Variants in CTNNA3 observed in about 807,000 individuals in gnomAD.
The protein encoded by CTNNA3 is catenin alpha-3.
CTNNA3 carries 76 observed loss-of-function variants against 95.7 expected under a neutral mutation model. The observed-to-expected ratio is 0.79, with a 90% CI of 0.66 to 0.96. CTNNA3 has a LOEUF of 0.96. Among genes scored for constraint, CTNNA3 ranks in the 40% least tolerant of loss-of-function variants. The pLI, the probability that CTNNA3 is intolerant of heterozygous loss-of-function variation, is 0.00. For missense variants in CTNNA3, 1,191 were observed against 1,089.8 expected (o/e 1.09, Z -1.31); for synonymous variants, 431 against 374.4 (o/e 1.15, Z -1.74).
At chr10:67,532,092 G>T (rs2133185360) in intron 4 of CTNNA3, among the ~76,000 whole-genome samples, 1 of 152,182 alleles carries the variant, frequency 6.6e-6, no homozygotes, top group East Asian at 1.9e-4. Context: ...TTTGTAAATT[G>T]CCCAGTATAA....
intron 13 of CTNNA3, among the ~76,000 whole-genome samples, chr10:66,107,991 C>T (rs1056092372): frequency 5.3e-5 from 8 of 151,762 alleles, no homozygotes; most frequent in Admixed American, 3.9e-4. Flanking sequence ...AAATAACCAC[C>T]ACAGTAATGT....
intron 6 of CTNNA3, among the ~76,000 whole-genome samples, chr10:67,183,190 T>C (rs1054770134): frequency 6.6e-6 from 1 of 152,210 alleles, no homozygotes; most frequent in African/African-American, 2.4e-5. Flanking sequence ...CATTACTGGG[T>C]ATATACCCAA....
intron 15 of CTNNA3, among the ~76,000 whole-genome samples, chr10:66,017,506 A>G (rs1815885150): frequency 6.6e-6 from 1 of 152,114 alleles, no homozygotes; most frequent in Non-Finnish European, 1.5e-5. Context: ...ATATTATTGA[A>G]TGAATTTTAT....
Position 66,935,911 on chromosome 10 carries a change from A to C in CTNNA3, c.1048-160387T>G, listed in dbSNP as rs758316980. ...TAAAATAATTTATACCCCACCCACA[A>C]AAGGCTTCTCAAAGCCAAATCATGC... On this transcript the variant is annotated intron_variant, in intron 7 of 17. Coordinates refer to ENST00000433211, the MANE Select transcript of CTNNA3 (RefSeq NM_013266.4). Among the ~76,000 whole-genome samples the C allele has an allele frequency of 2.0e-4, 30 of 152,154 alleles. 1 individual carries two copies. The highest frequency in any genetic ancestry group is 4.0e-4 in the Non-Finnish European group (27 of 67,982).
chr10:66,169,609 A>G (rs1589621943), intron 13 of CTNNA3, among the ~76,000 whole-genome samples: 1 of 152,264 alleles, frequency 6.6e-6, no homozygotes, highest in East Asian at 1.9e-4. Flanking sequence ...ACTGTTTTCC[A>G]TAGTGGTTGT....
intron 7 of CTNNA3, among the ~76,000 whole-genome samples, chr10:67,045,417 T>TTTG (rs1218942642): frequency 4.6e-5 from 7 of 152,258 alleles, no homozygotes; most frequent in Non-Finnish European, 7.4e-5. Flanking sequence ...TGTTGGTTTT[T>TTTG]TTGTTGTTGT....
chr10:67,100,702 A>G (rs982049884), intron 7 of CTNNA3, among the ~76,000 whole-genome samples: 1 of 151,710 alleles, frequency 6.6e-6, no homozygotes, highest in African/African-American at 2.4e-5. Flanking sequence ...GCTGCAGCAA[A>G]CCATAAAGTT....
intron 1 of CTNNA3, among the ~76,000 whole-genome samples, chr10:67,693,287 A>G (rs530815721): frequency 3.3e-5 from 5 of 152,322 alleles, no homozygotes; most frequent in Non-Finnish European, 7.4e-5. Context: ...CAACTTTGCT[A>G]AACTCCGGAG....
chr10:67,176,320 T>C (rs1339208447), intron 7 of CTNNA3, among the ~76,000 whole-genome samples: 2 of 152,222 alleles, frequency 1.3e-5, no homozygotes, highest in East Asian at 3.8e-4. Flanking sequence ...AGAGGCTGTT[T>C]CTCCATTACA....
At chr10:67,115,929 T>A (rs1859161201) in intron 7 of CTNNA3, among the ~76,000 whole-genome samples, 2 of 152,060 alleles carry the variant, frequency 1.3e-5, no homozygotes, top group Admixed American at 1.3e-4. Context: ...TGCTCATTTA[T>A]ATTATTTCTT....
intron 14 of CTNNA3, among the ~76,000 whole-genome samples, chr10:66,072,988 A>G (rs1396793470): frequency 3.3e-5 from 5 of 152,172 alleles, no homozygotes; most frequent in African/African-American, 1.2e-4. Context: ...ACAACAGGGA[A>G]TCTGGAGGAA....
chr10:66,429,029 A>G (rs1219058376), intron 11 of CTNNA3, among the ~76,000 whole-genome samples: 3 of 152,110 alleles, frequency 2.0e-5, no homozygotes, highest in Admixed American at 6.6e-5. Context: ...AGAAGAAAAG[A>G]GAGAAGAATC....
intron 7 of CTNNA3, among the ~76,000 whole-genome samples, chr10:67,093,393 C>T (rs2131917959): frequency 6.6e-6 from 1 of 151,552 alleles, no homozygotes. Flanking sequence ...TGTTGAACAC[C>T]CTAATCTCAG....
chr10:67,591,730 G>GA (rs1842793607), intron 3 of CTNNA3, among the ~76,000 whole-genome samples: 1 of 151,968 alleles, frequency 6.6e-6, no homozygotes, highest in Non-Finnish European at 1.5e-5. Flanking sequence ...ATCATAATTT[G>GA]AAAAGACATG....
intron 5 of CTNNA3, among the ~76,000 whole-genome samples, chr10:67,306,599 G>A (rs1840561388): frequency 6.6e-6 from 1 of 152,072 alleles, no homozygotes; most frequent in Non-Finnish European, 1.5e-5. Flanking sequence ...TTCAAAAATG[G>A]CAATGAGTGG....
At chr10:66,621,844 CTT>C (rs1844762861) in intron 9 of CTNNA3, 60 bp from the exon 10 acceptor site, 1 of 996,628 alleles carries the variant, frequency 1.0e-6, no homozygotes, top group Non-Finnish European at 1.5e-6. Context: ...TGCAGCAACA[CTT>C]ATACTGAACA....
chr10:67,597,455 T>C (rs1046875157), intron 3 of CTNNA3, among the ~76,000 whole-genome samples: 1 of 152,228 alleles, frequency 6.6e-6, no homozygotes, highest in Non-Finnish European at 1.5e-5. Flanking sequence ...TATTCTTTGA[T>C]GCCCTTGGTG....
intron 1 of CTNNA3, among the ~76,000 whole-genome samples, chr10:67,734,558 GA>G (rs1841292214): frequency 1.3e-5 from 2 of 152,074 alleles, no homozygotes; most frequent in Non-Finnish European, 2.9e-5. Flanking sequence ...AAAATAAGAA[GA>G]TACTATCTCT....
At chr10:66,293,831 A>G (rs367655590) in intron 12 of CTNNA3, among the ~76,000 whole-genome samples, 1 of 151,950 alleles carries the variant, frequency 6.6e-6, no homozygotes, top group African/African-American at 2.4e-5. Context: ...ACGCCCGGCT[A>G]ATTTTTTGTG....
Sources: gnomAD v4.1 joint callset for allele counts (sites outside exome capture counted in the v4.1 genomes callset) on GRCh38, gnomAD v4.1.1 for gene constraint, MANE v1.5 for transcripts, NCBI Gene and HGNC (gene_info 2026-07-23, HGNC 2026-07-21) for gene names.